The following ITFG1 variants were observed in gnomAD, a reference collection of about 807,000 sequenced individuals.
ITFG1 encodes integrin alpha FG-GAP repeat containing 1.
In ITFG1, 34 loss-of-function variants were observed where a neutral mutation model predicts 81.8. That is an observed-to-expected ratio of 0.42 (90% confidence interval 0.32 to 0.55). The LOEUF (loss-of-function observed/expected upper bound fraction) is 0.55. Among genes scored for constraint, ITFG1 ranks in the 20% least tolerant of loss-of-function variants. The pLI, the probability that ITFG1 is intolerant of heterozygous loss-of-function variation, is 0.17. For missense variants in ITFG1, 672 were observed against 755.4 expected, an observed-to-expected ratio of 0.89 and a Z score of 1.29; for synonymous variants, 285 against 270.6, an observed-to-expected ratio of 1.05 and a Z score of -0.52.
At chr16:47,285,962 A>C (rs183535924) in intron 10 of ITFG1, among the ~76,000 whole-genome samples, 78 of 152,292 alleles carry the variant, frequency 5.1e-4, no homozygotes, top group African/African-American at 1.9e-3. Context: ...TTTGACACTC[A>C]GTGTAAGTAC....
At chr16:47,282,022 T>C (rs1332852459) in intron 10 of ITFG1, among the ~76,000 whole-genome samples, 1 of 152,004 alleles carries the variant, frequency 6.6e-6, no homozygotes, top group East Asian at 1.9e-4. Flanking sequence ...GGGTACAATA[T>C]ATACTATTTG....
chr16:47,350,734 C>T (rs963982997), intron 8 of ITFG1, among the ~76,000 whole-genome samples: 8 of 152,088 alleles, frequency 5.3e-5, no homozygotes, highest in African/African-American at 9.7e-5. Flanking sequence ...ATCATCCTGA[C>T]ACCAAAGCCG....
chr16:47,389,016 C>T (rs911052599), intron 6 of ITFG1, among the ~76,000 whole-genome samples: 4 of 152,106 alleles, frequency 2.6e-5, no homozygotes, highest in East Asian at 1.9e-4. Flanking sequence ...ACTCGCTTCC[C>T]GCCTCATGTT....
At chr16:47,447,317 C>T (rs375983922) in intron 5 of ITFG1, among the ~76,000 whole-genome samples, 2 of 152,068 alleles carry the variant, frequency 1.3e-5, no homozygotes, top group African/African-American at 2.4e-5. Context: ...TAACACTATA[C>T]TTTTCTCAAA....
chr16:47,377,855 G>A (rs1007896784), intron 6 of ITFG1, among the ~76,000 whole-genome samples: 4 of 152,156 alleles, frequency 2.6e-5, no homozygotes, highest in African/African-American at 9.7e-5. Flanking sequence ...AATATAACAT[G>A]TTCAAATGAT....
chr16:47,363,492 C>T (rs1039673854), intron 8 of ITFG1, among the ~76,000 whole-genome samples: 5 of 152,036 alleles, frequency 3.3e-5, no homozygotes, highest in African/African-American at 7.2e-5. Context: ...GCCTCAGCCC[C>T]GAGAAGCTGA....
intron 8 of ITFG1, among the ~76,000 whole-genome samples, chr16:47,332,094 C>T (rs1967644438): frequency 6.6e-6 from 1 of 151,968 alleles, no homozygotes; most frequent in African/African-American, 2.4e-5. Flanking sequence ...CTGACTAAAT[C>T]CTTGTTTCAC....
chr16:47,220,099 G>A (rs1295650499), intron 13 of ITFG1, among the ~76,000 whole-genome samples: 4 of 152,086 alleles, frequency 2.6e-5, no homozygotes, highest in Admixed American at 2.6e-4. Flanking sequence ...AAAAAATCAG[G>A]TCAGCATGTG....
intron 6 of ITFG1, among the ~76,000 whole-genome samples, chr16:47,425,009 C>T (rs549265250): frequency 2.6e-5 from 4 of 152,106 alleles, no homozygotes; most frequent in East Asian, 1.9e-4. Context: ...AGAAGCTGTC[C>T]GCCGCCTTTT....
At chr16:47,361,845 C>T (rs962162214) in intron 8 of ITFG1, among the ~76,000 whole-genome samples, 7 of 152,080 alleles carry the variant, frequency 4.6e-5, no homozygotes, top group Non-Finnish European at 8.8e-5. Context: ...CCATTTTTCT[C>T]CCTACTTAGC....
intron 10 of ITFG1, among the ~76,000 whole-genome samples, chr16:47,307,479 A>G (rs1035757659): frequency 6.6e-6 from 1 of 152,274 alleles, no homozygotes; most frequent in East Asian, 1.9e-4. Flanking sequence ...TGAATAGGCA[A>G]TATTATTGAA....
At chr16:47,193,206 AATTTT>A (rs1197929656) in intron 14 of ITFG1, among the ~76,000 whole-genome samples, 1 of 151,404 alleles carries the variant, frequency 6.6e-6, no homozygotes, top group Non-Finnish European at 1.5e-5. Context: ...ATTTTATTTT[AATTTT>A]ATTAAAAAAA....
chr16:47,157,587 C>T (rs1422219582), intron 17 of ITFG1: 1 of 152,158 alleles, frequency 6.6e-6, no homozygotes, highest in Non-Finnish European at 1.5e-5. Context: ...AGATGATATT[C>T]TGATACTTCT....
intron 14 of ITFG1, among the ~76,000 whole-genome samples, chr16:47,183,814 A>C (rs983487409): frequency 6.6e-5 from 10 of 152,234 alleles, no homozygotes; most frequent in Admixed American, 3.9e-4. Flanking sequence ...TGAGAGAAGA[A>C]GGCTTCAGAC....
At chr16:47,358,415 TAATG>T (rs1567473190) in intron 8 of ITFG1, among the ~76,000 whole-genome samples, 1 of 152,238 alleles carries the variant, frequency 6.6e-6, no homozygotes. Context: ...ATACTGTAGA[TAATG>T]TATGTTGTTA....
At chr16:47,441,676 A>G (rs1969252751) in intron 5 of ITFG1, among the ~76,000 whole-genome samples, 1 of 152,180 alleles carries the variant, frequency 6.6e-6, no homozygotes, top group Non-Finnish European at 1.5e-5. Flanking sequence ...GATGGGACAT[A>G]TCTCAAAATA....
chr16:47,218,975 C>A, intron 13 of ITFG1, 29 bp from the exon 14 acceptor site: 1 of 1,471,612 alleles, frequency 6.8e-7, no homozygotes, highest in Non-Finnish European at 9.3e-7. Flanking sequence ...ATAGTTAAGG[C>A]TTGGAAAATA....
chr16:47,460,416 T>C (rs2151621992), intron 1 of ITFG1, among the ~76,000 whole-genome samples: 1 of 152,318 alleles, frequency 6.6e-6, no homozygotes, highest in African/African-American at 2.4e-5. Context: ...CACCTTTTCA[T>C]GTTCATCAAC....
chr16:47,184,323 T>C (rs1965179827), intron 14 of ITFG1, among the ~76,000 whole-genome samples: 2 of 152,002 alleles, frequency 1.3e-5, no homozygotes, highest in African/African-American at 2.4e-5. Flanking sequence ...GGACACATAA[T>C]TGTCAGATTC....
Sources: allele counts gnomAD v4.1 joint callset (sites outside exome capture counted in the v4.1 genomes callset), GRCh38; gene constraint gnomAD v4.1.1; transcripts MANE v1.5; gene names NCBI Gene and HGNC (gene_info 2026-07-23, HGNC 2026-07-21).